The following CAMKMT variants were observed in gnomAD, a reference collection of about 807,000 sequenced individuals.
CAMKMT encodes the protein CaM KMT.
Under a neutral mutation model 48.0 loss-of-function variants are expected in CAMKMT, and 53 were observed. That is an observed-to-expected ratio of 1.10 (90% confidence interval 0.89 to 1.39). The LOEUF (loss-of-function observed/expected upper bound fraction) is 1.39, where lower values mean the gene tolerates loss of function less well. Ranked by LOEUF, CAMKMT falls within the 40% of genes most tolerant of loss-of-function variation. CAMKMT has a pLI of 0.00. For synonymous variants in CAMKMT, 165 were observed against 152.3 expected (o/e 1.08, Z -0.61); for missense variants, 428 against 402.7 (o/e 1.06, Z -0.54).
At chr2:44,442,763 A>G (rs1666748856) in intron 3 of CAMKMT, among the ~76,000 whole-genome samples, 1 of 152,192 alleles carries the variant, frequency 6.6e-6, no homozygotes, top group African/African-American at 2.4e-5. Context: ...TTGCAGCACT[A>G]GGCATCTACT....
At chr2:44,549,782 T>A (rs928364403) in intron 3 of CAMKMT, 2 of 441,886 alleles carry the variant, frequency 4.5e-6, no homozygotes, top group African/African-American at 2.0e-5. Context: ...CCTCTTAGAC[T>A]TACATCCTAG....
At chr2:44,521,546 T>C (rs941135195) in intron 3 of CAMKMT, among the ~76,000 whole-genome samples, 7 of 152,236 alleles carry the variant, frequency 4.6e-5, no homozygotes, top group Non-Finnish European at 7.3e-5. Flanking sequence ...CCCAAAGTGC[T>C]GGGATTACAG....
At chr2:44,366,959 A>T (rs192088167) in intron 1 of CAMKMT, among the ~76,000 whole-genome samples, 2 of 152,038 alleles carry the variant, frequency 1.3e-5, no homozygotes, top group Non-Finnish European at 2.9e-5. Flanking sequence ...TCCTGAGCTC[A>T]AGCAATCTGC....
chr2:44,397,916 T>C (rs1682006577), intron 3 of CAMKMT, among the ~76,000 whole-genome samples: 1 of 152,230 alleles, frequency 6.6e-6, no homozygotes, highest in African/African-American at 2.4e-5. Context: ...CATGTCTTTG[T>C]CATAAACCTG....
intron 2 of CAMKMT, among the ~76,000 whole-genome samples, chr2:44,380,882 C>G (rs1194662045): frequency 6.6e-6 from 1 of 152,014 alleles, no homozygotes; most frequent in Non-Finnish European, 1.5e-5. Context: ...ATGCTTTCGG[C>G]CGGGCATGGT....
At chr2:44,559,211 G>A (rs533130654) in intron 3 of CAMKMT, among the ~76,000 whole-genome samples, 1 of 152,288 alleles carries the variant, frequency 6.6e-6, no homozygotes, top group Non-Finnish European at 1.5e-5. Flanking sequence ...GCAGAATCAT[G>A]AAATGATGGT....
intron 3 of CAMKMT, among the ~76,000 whole-genome samples, chr2:44,557,945 C>T (rs568154348): frequency 6.6e-6 from 1 of 152,286 alleles, no homozygotes; most frequent in Non-Finnish European, 1.5e-5. Flanking sequence ...GTTATCAGGA[C>T]CCTGATTGGC....
rs376069045 is a variant in CAMKMT, at chr2:44,670,821, C to T, written c.377-33462C>T. Among the ~76,000 whole-genome samples, 34 of 152,302 alleles carry T rather than the reference C, an allele frequency of 2.2e-4. No homozygotes were observed. In the East Asian group the frequency reaches 2.5e-3, roughly 11 times the overall value. ...GATCCAGGAACCACACTTTAAGAAA[C>T]GCTGCCTCAGCCAGGTCTGTCTTCT... On this transcript the variant is annotated intron_variant, in intron 3 of 10. Coordinates refer to ENST00000378494, the MANE Select transcript of CAMKMT (RefSeq NM_024766.5).
At chr2:44,411,154 A>G (rs886120695) in intron 3 of CAMKMT, among the ~76,000 whole-genome samples, 2 of 152,172 alleles carry the variant, frequency 1.3e-5, no homozygotes, top group Non-Finnish European at 2.9e-5. Context: ...AACAAATGTA[A>G]TTTGCGGTCT....
intron 3 of CAMKMT, among the ~76,000 whole-genome samples, chr2:44,505,046 A>G (rs1222284147): frequency 6.6e-6 from 1 of 152,120 alleles, no homozygotes; most frequent in African/African-American, 2.4e-5. Flanking sequence ...ACTAGCTCTC[A>G]CTGAATCTAA....
chr2:44,362,106 G>C lies in CAMKMT; in HGVS notation c.99G>C (p.Ser33=). 6.8e-7 allele frequency: 1 copy of C among 1,466,960 alleles called. No individual in the cohort carries two copies. Among genetic ancestry groups the C allele is most frequent in the Non-Finnish European group, 8.9e-7 (1 of 1,120,690 alleles). 90.9% of individuals were successfully genotyped at this position (1,466,960 alleles called of 1,614,324 possible). ...GCACCACTCGGGGGCCCGTAGTCTC[G>C]GCGCCCCTGGGAGCCGCCCGGTGGA... is the stretch of plus-strand genomic sequence containing the variant. ...VGCTTRGPVV[S]APLGAARWKL... Residue 33 remains serine (S), a synonymous_variant, in exon 1 of 11, where the codon TCG becomes TCC. Coordinates refer to ENST00000378494, the MANE Select transcript of CAMKMT (RefSeq NM_024766.5).
At chr2:44,546,927 T>C (rs1038577761) in intron 3 of CAMKMT, among the ~76,000 whole-genome samples, 2 of 152,178 alleles carry the variant, frequency 1.3e-5, no homozygotes, top group Admixed American at 1.3e-4. Flanking sequence ...TTCATTTCTC[T>C]CTCAGTAAAG....
chr2:44,583,512 G>C (rs1326608153), intron 3 of CAMKMT, among the ~76,000 whole-genome samples: 1 of 152,136 alleles, frequency 6.6e-6, no homozygotes, highest in African/African-American at 2.4e-5. Context: ...AATAAAATGA[G>C]GCTGAGGACC....
chr2:44,434,002 C>T (rs1259004392), intron 3 of CAMKMT, among the ~76,000 whole-genome samples: 1 of 152,098 alleles, frequency 6.6e-6, no homozygotes, highest in African/African-American at 2.4e-5. Context: ...CTGCTTCTGC[C>T]TGCCAACTAG....
At chr2:44,612,112 A>C (rs566799970) in intron 3 of CAMKMT, among the ~76,000 whole-genome samples, 2 of 152,290 alleles carry the variant, frequency 1.3e-5, no homozygotes, top group South Asian at 4.2e-4. Context: ...TGTAATTTTA[A>C]ATTTTAAAAG....
intron 3 of CAMKMT, among the ~76,000 whole-genome samples, chr2:44,511,694 G>A (rs997999066): frequency 6.6e-6 from 1 of 152,168 alleles, no homozygotes; most frequent in African/African-American, 2.4e-5. Flanking sequence ...CTTCAACTGA[G>A]GGCTGAGAGA....
intron 3 of CAMKMT, among the ~76,000 whole-genome samples, chr2:44,599,750 C>CTAA (rs1337747088): frequency 2.0e-5 from 3 of 150,634 alleles, no homozygotes; most frequent in Non-Finnish European, 4.4e-5. Context: ...CATGTTTAGT[C>CTAA]TAATAACCAA....
At chr2:44,509,452 A>T (rs1037446588) in intron 3 of CAMKMT, among the ~76,000 whole-genome samples, 1 of 152,040 alleles carries the variant, frequency 6.6e-6, no homozygotes, top group Non-Finnish European at 1.5e-5. Flanking sequence ...TGGGACTACA[A>T]GCACATGCCA....
At chr2:44,690,805 G>A (rs757661895) in intron 3 of CAMKMT, among the ~76,000 whole-genome samples, 56 of 151,956 alleles carry the variant, frequency 3.7e-4, no homozygotes, top group Admixed American at 2.7e-3. Flanking sequence ...GCGAAACCCC[G>A]TCTCTACTAA....
Sources: allele counts gnomAD v4.1 joint callset (sites outside exome capture counted in the v4.1 genomes callset), GRCh38; gene constraint gnomAD v4.1.1; transcripts MANE v1.5; gene names NCBI Gene and HGNC (gene_info 2026-07-23, HGNC 2026-07-21).